Variants in DOK5 observed in about 807,000 individuals in gnomAD.
DOK5 encodes the protein downstream of tyrosine kinase 5.
A neutral mutation model predicts 43.3 loss-of-function variants in DOK5; 27 were observed. The ratio of observed to expected loss-of-function variants is 0.62; its 90% CI spans 0.46 to 0.86. The LOEUF (loss-of-function observed/expected upper bound fraction) is 0.86. Among genes scored for constraint, DOK5 ranks in the 40% least tolerant of loss-of-function variants. The probability of loss-of-function intolerance (pLI) is 0.00; values close to 1 mark genes in which losing one functional copy is unlikely to be tolerated. For missense variants in DOK5, 373 were observed against 392.9 expected (o/e 0.95, Z 0.43); for synonymous variants, 146 against 140.1 (o/e 1.04, Z -0.30).
intron 2 of DOK5, among the ~76,000 whole-genome samples, chr20:54,570,401 T>C (rs1353078510): frequency 6.6e-6 from 1 of 152,330 alleles, no homozygotes; most frequent in East Asian, 1.9e-4. Context: ...GATAATTAAA[T>C]TGTTTTTTAA....
At chr20:54,524,107 G>A (rs1983503689) in intron 1 of DOK5, among the ~76,000 whole-genome samples, 1 of 152,124 alleles carries the variant, frequency 6.6e-6, no homozygotes, top group Non-Finnish European at 1.5e-5. Flanking sequence ...CTAGCCCAAC[G>A]TTTATGCCCT....
intron 5 of DOK5, among the ~76,000 whole-genome samples, chr20:54,598,950 T>C (rs1314420127): frequency 6.6e-6 from 1 of 152,254 alleles, no homozygotes; most frequent in African/African-American, 2.4e-5. Flanking sequence ...AAAAACTGTT[T>C]ACTCCTTTAA....
intron 5 of DOK5, among the ~76,000 whole-genome samples, chr20:54,594,542 T>C (rs1986077461): frequency 1.5e-5 from 2 of 132,260 alleles, no homozygotes; most frequent in African/African-American, 3.6e-5. Context: ...GTTTTATAAA[T>C]AGACTTTTCT....
chr20:54,596,764 A>G (rs945783450), intron 5 of DOK5, among the ~76,000 whole-genome samples: 1 of 152,208 alleles, frequency 6.6e-6, no homozygotes, highest in African/African-American at 2.4e-5. Context: ...ACTGAAAAGA[A>G]ACTCATTGAC....
chr20:54,487,993 C>A (rs1453338809), intron 1 of DOK5, among the ~76,000 whole-genome samples: 1 of 152,194 alleles, frequency 6.6e-6, no homozygotes, highest in African/African-American at 2.4e-5. Flanking sequence ...TACATTCATT[C>A]AATAAAAGAA....
chr20:54,595,143 C>T (rs923140877), intron 5 of DOK5, among the ~76,000 whole-genome samples: 1 of 152,114 alleles, frequency 6.6e-6, no homozygotes, highest in Non-Finnish European at 1.5e-5. Context: ...AGATCGAGAC[C>T]ATCCTGGCTA....
rs572255486 is a variant in DOK5 at position 54,507,521 on chromosome 20, G to A, written c.66+31509G>A. Among the ~76,000 whole-genome samples, 9 of 152,184 alleles carry A rather than the reference G, an allele frequency of 5.9e-5. No homozygotes were observed. In the South Asian group the frequency reaches 8.3e-4, roughly 14 times the overall value. On this transcript the variant is annotated intron_variant, in intron 1 of 7. Transcript: ENST00000262593. ...AGGCATCAAAAATCCGGTATTTTAC[G>A]CCCTGTGGCACAATTCTTTTCAGCC... is the stretch of plus-strand genomic sequence containing the variant.
intron 1 of DOK5, among the ~76,000 whole-genome samples, chr20:54,536,525 GAGA>G (rs1415596405): frequency 2.0e-5 from 3 of 152,108 alleles, no homozygotes; most frequent in African/African-American, 7.2e-5. Context: ...GAAAGGTGGA[GAGA>G]AGAAGTTAGC....
chr20:54,595,123 C>T (rs979094946), intron 5 of DOK5, among the ~76,000 whole-genome samples: 5 of 152,186 alleles, frequency 3.3e-5, no homozygotes, highest in Non-Finnish European at 4.4e-5. Context: ...GGGCAGATCA[C>T]GAGGTCAGGA....
In DOK5 at chr20:54,637,894, G is replaced by A. The variant is rs182940155; in HGVS notation, c.736-5564G>A. 2.5e-3 allele frequency among the ~76,000 whole-genome samples: 381 copies of A among 152,248 alleles called. 1 individual carries two copies. The highest frequency in any genetic ancestry group is 8.5e-3 in the African/African-American group (353 of 41,530). On this transcript the variant is annotated intron_variant, in intron 6 of 7. Transcript: ENST00000262593. ...TCCCAGCACTTTGGGAGGCCAAGGCGGGCAGATCACAAGGTCAGGAGATCA... is the reference window on the plus strand; with the variant it reads ...TCCCAGCACTTTGGGAGGCCAAGGCAGGCAGATCACAAGGTCAGGAGATCA...
rs535709260 is a variant in DOK5 at position 54,594,070 on chromosome 20, C to A, written c.599+2265C>A. 2.6e-5 allele frequency among the ~76,000 whole-genome samples: 4 copies of A among 152,190 alleles called. No homozygotes were observed. The South Asian group carries it at 8.3e-4, about 32-fold the overall frequency. ...TAAGCTTAATACCTGCATGATGAAA[C>A]AATCTGTACAATAAGTCACCACGAC... On this transcript the variant is annotated intron_variant, in intron 5 of 7. Transcript: ENST00000262593.
intron 5 of DOK5, among the ~76,000 whole-genome samples, chr20:54,592,245 A>G (rs2146771153): frequency 6.6e-6 from 1 of 152,340 alleles, no homozygotes; most frequent in South Asian, 2.1e-4. Context: ...AGTTTTTACC[A>G]GCTGCAATTT....
intron 1 of DOK5, among the ~76,000 whole-genome samples, chr20:54,497,457 A>G (rs1982444875): frequency 6.6e-6 from 1 of 152,248 alleles, no homozygotes; most frequent in Non-Finnish European, 1.5e-5. Context: ...CATAGGTAAC[A>G]TCTTCTAAAT....
At chr20:54,492,539 GA>G (rs1183827927) in intron 1 of DOK5, among the ~76,000 whole-genome samples, 2 of 152,066 alleles carry the variant, frequency 1.3e-5, no homozygotes, top group Non-Finnish European at 2.9e-5. Flanking sequence ...ACGCATACAT[GA>G]TACTGTATTT....
chr20:54,491,492 C>A (rs1038035467), intron 1 of DOK5, among the ~76,000 whole-genome samples: 2 of 152,198 alleles, frequency 1.3e-5, no homozygotes, highest in African/African-American at 4.8e-5. Context: ...ACAGGCCAAA[C>A]TGGTAGAAGA....
intron 1 of DOK5, among the ~76,000 whole-genome samples, chr20:54,548,262 T>C (rs1984412269): frequency 6.6e-6 from 1 of 151,950 alleles, no homozygotes; most frequent in Admixed American, 6.6e-5. Flanking sequence ...TATTTATTTA[T>C]TGACACTCTG....
intron 5 of DOK5, among the ~76,000 whole-genome samples, chr20:54,604,173 C>G (rs758058258): frequency 2.0e-5 from 3 of 151,960 alleles, no homozygotes; most frequent in Non-Finnish European, 4.4e-5. Flanking sequence ...GTCTCGATCT[C>G]CTGACCTAGT....
intron 2 of DOK5, among the ~76,000 whole-genome samples, chr20:54,578,781 C>T (rs1456214026): frequency 2.0e-5 from 3 of 152,138 alleles, no homozygotes; most frequent in Non-Finnish European, 4.4e-5. Context: ...TTTCAGGTTT[C>T]AGTCATGGAG....
At chr20:54,507,095 G>T (rs943674277) in intron 1 of DOK5, among the ~76,000 whole-genome samples, 1 of 152,112 alleles carries the variant, frequency 6.6e-6, no homozygotes, top group African/African-American at 2.4e-5. Context: ...TCAGTCATTT[G>T]TTTCACAAAT....
Sources: allele counts gnomAD v4.1 joint callset (sites outside exome capture counted in the v4.1 genomes callset), GRCh38; gene constraint gnomAD v4.1.1; transcripts MANE v1.5; gene names NCBI Gene and HGNC (gene_info 2026-07-23, HGNC 2026-07-21).